Variants in SULF1 observed in about 807,000 individuals in gnomAD.
SULF1 encodes extracellular sulfatase Sulf-1.
Under a neutral mutation model 110.5 loss-of-function variants are expected in SULF1, and 46 were observed. The observed-to-expected ratio is 0.42, with a 90% CI of 0.33 to 0.53. The LOEUF (loss-of-function observed/expected upper bound fraction) is 0.53, where lower values mean the gene tolerates loss of function less well. Among genes scored for constraint, SULF1 ranks in the 20% least tolerant of loss-of-function variants. SULF1 has a pLI of 0.12. For synonymous variants in SULF1, 371 were observed against 387.1 expected (o/e 0.96, Z 0.49); for missense variants, 941 against 1,094.2 (o/e 0.86, Z 1.98).
intron 3 of SULF1, among the ~76,000 whole-genome samples, chr8:69,517,519 A>G (rs1407713439): frequency 1.3e-5 from 2 of 152,206 alleles, no homozygotes; most frequent in Admixed American, 6.5e-5. Context: ...GGGGAGATTA[A>G]AAGACTTGAG....
At chr8:69,639,591 G>A (rs1811308698) in intron 21 of SULF1, among the ~76,000 whole-genome samples, 1 of 152,236 alleles carries the variant, frequency 6.6e-6, no homozygotes, top group Non-Finnish European at 1.5e-5. Context: ...ATACAAGGAA[G>A]GAGGAAGAAC....
intron 22 of SULF1, among the ~76,000 whole-genome samples, chr8:69,643,047 G>T (rs1270510497): frequency 2.6e-5 from 4 of 152,112 alleles, no homozygotes; most frequent in African/African-American, 9.7e-5. Context: ...CAGATCTAAG[G>T]ATACTGTGTA....
At chr8:69,566,128 C>T (rs1815866272) in intron 5 of SULF1, among the ~76,000 whole-genome samples, 1 of 151,830 alleles carries the variant, frequency 6.6e-6, no homozygotes, top group South Asian at 2.1e-4. Context: ...TCCACTTGAC[C>T]AAGATCAACC....
chr8:69,625,717 CCAAAGAGTGAGCAGTAGCAAGATTTATTG>C (rs1171784530), intron 15 of SULF1, among the ~76,000 whole-genome samples: 1 of 152,136 alleles, frequency 6.6e-6, no homozygotes, highest in East Asian at 1.9e-4. Flanking sequence ...CGGCGTGGAC[CCAAAGAGTGAGCAGTAGCAAGATTTATTG>C]CAAAGAGCGA....
At chr8:69,611,963 C>A (rs537935309) in intron 13 of SULF1, among the ~76,000 whole-genome samples, 1 of 152,086 alleles carries the variant, frequency 6.6e-6, no homozygotes, top group Non-Finnish European at 1.5e-5. Context: ...GCAGTGTATA[C>A]TATACCCAGT....
At chr8:69,606,418 A>G (rs1431923361) in intron 13 of SULF1, among the ~76,000 whole-genome samples, 1 of 152,230 alleles carries the variant, frequency 6.6e-6, no homozygotes, top group Non-Finnish European at 1.5e-5. Flanking sequence ...ATTGTTTTGT[A>G]GCTCTAAGAT....
chr8:69,605,827 CAATTT>C (rs1808182034), intron 13 of SULF1, among the ~76,000 whole-genome samples: 1 of 152,176 alleles, frequency 6.6e-6, no homozygotes, highest in South Asian at 2.1e-4. Context: ...AGCATTTACT[CAATTT>C]AATCCTCACA....
rs1280999379 is a variant in SULF1 at position 69,575,954 on chromosome 8, G to T, written c.173-16G>T. 1.2e-6 allele frequency: 2 copies of T among 1,612,508 alleles called. No individual in the cohort carries two copies. The highest frequency in any genetic ancestry group is 2.2e-5 in the East Asian group (1 of 44,854). ...TGCTGCACTTTGCTAAACAATGCTG[G>T]CACTGTGCCTTTCAGGGTCCCTGCA... On this transcript the variant is annotated splice_polypyrimidine_tract_variant and intron_variant, in intron 5 of 22. Transcript: ENST00000402687.
chr8:69,611,734 T>C (rs1455071825), intron 13 of SULF1, among the ~76,000 whole-genome samples: 3 of 152,216 alleles, frequency 2.0e-5, no homozygotes, highest in Non-Finnish European at 4.4e-5. Flanking sequence ...TGACCTGCAT[T>C]ATGGCCAAAT....
At chr8:69,521,386 A>G (rs1015884820) in intron 3 of SULF1, among the ~76,000 whole-genome samples, 2 of 152,130 alleles carry the variant, frequency 1.3e-5, no homozygotes, top group African/African-American at 4.8e-5. Context: ...GTACTATGAA[A>G]CAAAAGTAGA....
At chr8:69,471,387 C>T (rs1047916517) in intron 1 of SULF1, among the ~76,000 whole-genome samples, 2 of 145,550 alleles carry the variant, frequency 1.4e-5, no homozygotes, top group African/African-American at 5.2e-5. Context: ...CCTCCCCACC[C>T]AGGACAGGAA....
intron 7 of SULF1, 108 bp from the exon 8 acceptor site, chr8:69,588,864 C>A: frequency 9.0e-7 from 1 of 1,114,734 alleles, no homozygotes; most frequent in Non-Finnish European, 1.3e-6. Flanking sequence ...TGCTGTAGAC[C>A]TTGCCACTTC....
At chr8:69,490,204 G>A, upstream of SULF1, among the ~76,000 whole-genome samples, 1 of 150,150 alleles carries the variant, frequency 6.7e-6, no homozygotes, top group Admixed American at 6.7e-5. Context: ...CTGGGCTCAA[G>A]TGATCCTCCC....
intron 3 of SULF1, among the ~76,000 whole-genome samples, chr8:69,518,336 A>G (rs1812074005): frequency 6.6e-6 from 1 of 152,130 alleles, no homozygotes; most frequent in South Asian, 2.1e-4. Flanking sequence ...AGCCACTTCA[A>G]TGTTCTCATC....
intron 6 of SULF1, among the ~76,000 whole-genome samples, chr8:69,579,787 G>A (rs1805938343): frequency 6.6e-6 from 1 of 152,114 alleles, no homozygotes; most frequent in Non-Finnish European, 1.5e-5. Context: ...GAATTGGTAG[G>A]TAGATATTAA....
chr8:69,551,581 T>A (rs1814712778), intron 3 of SULF1, among the ~76,000 whole-genome samples: 1 of 152,198 alleles, frequency 6.6e-6, no homozygotes, highest in African/African-American at 2.4e-5. Context: ...AGCTACAAAA[T>A]AATTGGCGAT....
At chr8:69,520,513 T>C (rs1406528210) in intron 3 of SULF1, among the ~76,000 whole-genome samples, 1 of 152,194 alleles carries the variant, frequency 6.6e-6, no homozygotes, top group Non-Finnish European at 1.5e-5. Context: ...AAAAAACTGG[T>C]GCATATGAAG....
In SULF1 at chr8:69,601,680, G is replaced by A. The variant is rs1807819491; in HGVS notation, c.912G>A (p.Gly304=). ...TGTATAACATGCTCGTGGAGACGGG[G>A]GAGCTGGAGAATACTTACATCATTT... The part of the protein sequence containing the change: ...ERLYNMLVET[G]ELENTYIIYT... The change falls in exon 10 of 23, where the codon GGG becomes GGA. Residue 304 remains glycine, a synonymous_variant. Coordinates refer to ENST00000402687, the MANE Select transcript of SULF1 (RefSeq NM_001128205.2). The A allele has an allele frequency of 6.2e-7, 1 of 1,611,590 alleles. No homozygotes were observed. The highest frequency in any genetic ancestry group is 8.5e-7 in the Non-Finnish European group (1 of 1,178,976).
intron 3 of SULF1, among the ~76,000 whole-genome samples, chr8:69,536,161 G>T (rs184475975): frequency 3.9e-5 from 6 of 152,078 alleles, no homozygotes; most frequent in Admixed American, 2.0e-4. Context: ...GGTGTTTTGC[G>T]CAGATCATTT....
Sources: allele counts gnomAD v4.1 joint callset (sites outside exome capture counted in the v4.1 genomes callset), GRCh38; gene constraint gnomAD v4.1.1; transcripts MANE v1.5; gene names NCBI Gene and HGNC (gene_info 2026-07-23, HGNC 2026-07-21).